COL28A1: variants seen among roughly 807,000 people sequenced by gnomAD.
COL28A1 encodes collagen type XXVIII alpha 1 chain.
Under a neutral mutation model 150.2 loss-of-function variants are expected in COL28A1, and 161 were observed. The ratio of observed to expected loss-of-function variants is 1.07; its 90% CI spans 0.94 to 1.22. COL28A1 has a LOEUF of 1.22. COL28A1 is among the 50% of genes most tolerant of loss of function. COL28A1 has a pLI of 0.00. For missense variants in COL28A1, 1,617 were observed against 1,388.3 expected (o/e 1.16, Z -2.62); for synonymous variants, 552 against 469.7 (o/e 1.18, Z -2.26).
At chr7:7,377,131 C>T (rs917707642) in intron 30 of COL28A1, among the ~76,000 whole-genome samples, 1 of 152,094 alleles carries the variant, frequency 6.6e-6, no homozygotes, top group African/African-American at 2.4e-5. Flanking sequence ...GGAATATTTG[C>T]TTTTTATTCA....
intron 15 of COL28A1, among the ~76,000 whole-genome samples, chr7:7,465,559 G>A (rs1483006772): frequency 7.2e-6 from 1 of 138,830 alleles, no homozygotes; most frequent in South Asian, 2.4e-4. Flanking sequence ...GGCTTGCTTA[G>A]GTAAACAAAG....
rs375341858 is a variant in COL28A1 at position 7,444,480 on chromosome 7, C to T, written c.1519G>A (p.Gly507Ser). The change falls in exon 19 of 35, where the codon GGC (glycine) becomes AGC (serine). Residue 507 changes from glycine (G) to serine (S), a missense_variant. Coordinates refer to ENST00000399429, the MANE Select transcript of COL28A1 (RefSeq NM_001037763.3). ...GGTTGTCCTGGGAGCCCTATTGAGC[C>T]TGGCTCTCCCTGGTGAATGAACAAA... ...IGVQGPKGEP[G>S]SIGLPGQPGV... 14 of 1,613,712 alleles carry T rather than the reference C, an allele frequency of 8.7e-6. No individual in the cohort carries two copies. The highest frequency in any genetic ancestry group is 1.3e-5 in the African/African-American group (1 of 74,854).
the COL28A1 span, among the ~76,000 whole-genome samples, chr7:7,345,864 C>A: frequency 6.6e-6 from 1 of 151,980 alleles, no homozygotes; most frequent in Admixed American, 6.6e-5. Context: ...CATATTCACC[C>A]TGCTTGAGAT....
intron 11 of COL28A1, among the ~76,000 whole-genome samples, chr7:7,503,757 G>C (rs940541391): frequency 3.3e-5 from 5 of 152,150 alleles, no homozygotes; most frequent in African/African-American, 1.2e-4. Flanking sequence ...AAATTATATA[G>C]AAGTTAGTAA....
At chr7:7,372,793 C>A (rs1055663280) in intron 32 of COL28A1, among the ~76,000 whole-genome samples, 1 of 152,140 alleles carries the variant, frequency 6.6e-6, no homozygotes. Flanking sequence ...CATTTATTAA[C>A]CCTTAATAAA....
chr7:7,541,125 C>G, the COL28A1 span, among the ~76,000 whole-genome samples: 1 of 152,100 alleles, frequency 6.6e-6, no homozygotes, highest in Non-Finnish European at 1.5e-5. Context: ...TTATATTAAG[C>G]CGTTACAATG....
At position 7,514,474 on chromosome 7, in the gene COL28A1, C is replaced by A. The variant is rs375585362; in HGVS notation, c.882+1340G>T. On this transcript the variant is annotated intron_variant, in intron 8 of 34. Transcript: ENST00000399429. The stretch of plus-strand genomic sequence containing the variant: ...TGCTAAGTGTAGAATCATGGGATTC[C>A]TTACACTCTTCCCCTTGGAGTTCTA... 1.2e-4 allele frequency among the ~76,000 whole-genome samples: 19 copies of A among 152,244 alleles called. No homozygotes were observed. The East Asian group carries it at 1.9e-3, about 15-fold the overall frequency.
chr7:7,355,429 G>T (rs113091601), downstream of COL28A1, among the ~76,000 whole-genome samples: 2,161 of 152,070 alleles, frequency 0.014, 57 homozygotes, highest in African/African-American at 0.05. Context: ...GGACAACATG[G>T]CAAAACCCCA....
chr7:7,348,857 C>T, the COL28A1 span, among the ~76,000 whole-genome samples: 2 of 152,106 alleles, frequency 1.3e-5, no homozygotes, highest in African/African-American at 4.8e-5. Context: ...AGCCTTCTGT[C>T]TCAGCTTCTC....
rs761210871 is a variant in COL28A1, at chr7:7,360,475, C to T, written c.3120G>A (p.Trp1040Ter). 7 of 1,609,946 alleles carry T rather than the reference C, an allele frequency of 4.3e-6. No homozygotes were observed. Among genetic ancestry groups the T allele is most frequent in the East Asian group, 2.2e-5 (1 of 44,518 alleles). Residue 1040 changes from tryptophan (W) to a stop codon, truncating the protein, a stop_gained, in exon 34 of 35, where the codon TGG becomes TGA. Transcript: ENST00000399429. LOFTEE classifies it high-confidence loss of function. ...AGGTAGTGGCAGGCAGATCATCAGC[C>T]CACGTTGGCTCTGGAGCCTTATCAT... ...DEDDKAPEPTWADDLPATTSS... is the reference protein window; with the variant it reads ...DEDDKAPEPT
In COL28A1 at chr7:7,383,288, GTTTT is replaced by G. The variant is rs1160911194; in HGVS notation, c.2137-1680_2137-1677del. 3.3e-3 allele frequency among the ~76,000 whole-genome samples: 310 copies of G among 94,618 alleles called. 3 individuals are homozygous for G. The highest frequency in any genetic ancestry group is 0.014 in the African/African-American group (250 of 18,304). 62.1% of individuals were successfully genotyped at this position (94,618 alleles called of 152,430 possible). A position where few individuals can be genotyped will look rare whatever the true frequency, so the allele number is the denominator to read the frequency against. ...TGTGTGTGTGTGTGTGTGTGTGTGT[GTTTT>G]TTTTGAGACAGAGTCTCACTCTGTC... On this transcript the variant is annotated intron_variant, in intron 27 of 34. Coordinates refer to ENST00000399429, the MANE Select transcript of COL28A1 (RefSeq NM_001037763.3).
chr7:7,363,071 T>C (rs1449845473), intron 33 of COL28A1, among the ~76,000 whole-genome samples: 2 of 152,120 alleles, frequency 1.3e-5, no homozygotes. Flanking sequence ...AAAAAAGTAC[T>C]GGTTTTTTTT....
At chr7:7,490,679 T>G (rs1259106385) in intron 11 of COL28A1, 33 bp from the exon 12 acceptor site, 2 of 911,552 alleles carry the variant, frequency 2.2e-6, no homozygotes, top group Non-Finnish European at 3.7e-6. Context: ...CAGTTATATG[T>G]TAGGTCGACT....
At chr7:7,532,259 C>T (rs7810456) in intron 2 of COL28A1, among the ~76,000 whole-genome samples, 6,542 of 152,092 alleles carry the variant, frequency 0.043, 513 homozygotes, top group African/African-American at 0.15. Flanking sequence ...GTAAATGATA[C>T]TCTAATTCTC....
chr7:7,496,364 G>A (rs1780209414), intron 11 of COL28A1, among the ~76,000 whole-genome samples: 1 of 152,224 alleles, frequency 6.6e-6, no homozygotes. Context: ...GGCTCTGCTA[G>A]CTGTGGGAGG....
At chr7:7,413,497 G>A (rs956266036) in intron 27 of COL28A1, among the ~76,000 whole-genome samples, 5 of 152,082 alleles carry the variant, frequency 3.3e-5, no homozygotes, top group Admixed American at 6.6e-5. Flanking sequence ...GTACAGCCGC[G>A]CAACTAGTTC....
chr7:7,345,966 T>C, the COL28A1 span, among the ~76,000 whole-genome samples: 2 of 152,090 alleles, frequency 1.3e-5, no homozygotes, highest in East Asian at 1.9e-4. Flanking sequence ...ATCCACAAGC[T>C]CCTTGATGTC....
chr7:7,458,485 T>G (rs573115743), intron 15 of COL28A1, among the ~76,000 whole-genome samples: 44 of 152,152 alleles, frequency 2.9e-4, no homozygotes, highest in African/African-American at 1.1e-3. Context: ...AATGTATCAT[T>G]AGATCAAACT....
intron 27 of COL28A1, among the ~76,000 whole-genome samples, chr7:7,401,933 T>C (rs1783231414): frequency 6.6e-6 from 1 of 152,216 alleles, no homozygotes; most frequent in African/African-American, 2.4e-5. Context: ...CCAAAATTTA[T>C]TCTATCCATT....
Sources: allele counts gnomAD v4.1 joint callset (sites outside exome capture counted in the v4.1 genomes callset), GRCh38; gene constraint gnomAD v4.1.1; transcripts MANE v1.5; gene names NCBI Gene and HGNC (gene_info 2026-07-23, HGNC 2026-07-21).